The following ARPC2 variants were observed in gnomAD, a reference collection of about 807,000 sequenced individuals.
The protein encoded by ARPC2 is actin-related protein 2/3 complex subunit 2.
A neutral mutation model predicts 38.6 loss-of-function variants in ARPC2; 4 were observed. The observed-to-expected ratio is 0.10, with a 90% CI of 0.05 to 0.24. The LOEUF is 0.24. ARPC2 is among the 10% of genes least tolerant of loss of function. The pLI is 1.00. For missense variants in ARPC2, 229 were observed against 387.3 expected (o/e 0.59, Z 3.43); for synonymous variants, 125 against 140.8 (o/e 0.89, Z 0.79).
intron 5 of ARPC2, chr2:218,236,044 T>C (rs978549173): frequency 1.3e-5 from 2 of 151,206 alleles, no homozygotes; most frequent in Non-Finnish European, 2.9e-5. Context: ...GAGCTGAGAT[T>C]GCGCCACTGC....
At chr2:218,253,533 G>A (rs908162134) in intron 10 of ARPC2, among the ~76,000 whole-genome samples, 1 of 152,242 alleles carries the variant, frequency 6.6e-6, no homozygotes, top group Non-Finnish European at 1.5e-5. Flanking sequence ...GCTGACAAAT[G>A]AGGTAGTACT....
intron 4 of ARPC2, among the ~76,000 whole-genome samples, chr2:218,230,380 C>T (rs1380646669): frequency 6.9e-6 from 1 of 144,820 alleles, no homozygotes; most frequent in African/African-American, 2.5e-5. Context: ...ACCCCTCAAC[C>T]TCCCAGGCTC....
intron 2 of ARPC2, among the ~76,000 whole-genome samples, chr2:218,225,678 GAAAAACAA>G (rs2106145083): frequency 6.6e-6 from 1 of 152,308 alleles, no homozygotes; most frequent in South Asian, 2.1e-4. Flanking sequence ...AACAGCAGGT[GAAAAACAA>G]AAGCTATAGC....
chr2:218,217,667 C>T, intron 2 of ARPC2, 123 bp downstream of exon 2: 1 of 1,068,848 alleles, frequency 9.4e-7, no homozygotes, highest in South Asian at 1.4e-5. Context: ...GGTGTAGGGG[C>T]TGCCCCAGCG....
In ARPC2 at chr2:218,250,039, C is replaced by T. The variant is rs77831805; in HGVS notation, c.878+118C>T. ...GGGCACTGGCTACATATGAGGTCAG[C>T]AGGGCTAAGTAGATAAACCAAAGGT... On this transcript the variant is annotated intron_variant, in intron 10 of 10. Transcript: ENST00000315717. 179 of 834,088 alleles carry T rather than the reference C, an allele frequency of 2.1e-4. 1 individual carries two copies. Among genetic ancestry groups the T allele is most frequent in the Non-Finnish European group, 3.1e-4 (166 of 538,228 alleles). 51.7% of individuals were successfully genotyped at this position (834,088 alleles called of 1,614,324 possible). A position where few individuals can be genotyped will look rare whatever the true frequency, so the allele number is the denominator to read the frequency against.
rs558560209 is a variant in ARPC2, at chr2:218,238,204, A to G, written c.269-460A>G. On this transcript the variant is annotated intron_variant, in intron 5 of 10. Transcript: ENST00000315717. ...ACGTAGAAGGGTTTATCTTATTATC[A>G]CAAAGCTACCCATTTGCTGGCCATA... is the stretch of plus-strand genomic sequence containing the variant. Among the ~76,000 whole-genome samples the G allele has an allele frequency of 2.0e-5, 3 of 152,296 alleles. No individual in the cohort carries two copies. In the East Asian group the frequency reaches 5.8e-4, roughly 29 times the overall value.
chr2:218,217,191 C>T lies in ARPC2; in HGVS notation c.-72C>T, dbSNP rs977088558. The T allele has an allele frequency of 3.3e-5, 14 of 426,120 alleles. No homozygotes were observed. The highest frequency in any genetic ancestry group is 6.3e-5 in the African/African-American group (3 of 47,388). The allele number at this position is 426,120 out of a possible 1,614,324, so 26.4% of individuals were successfully genotyped here. A position where few individuals can be genotyped will look rare whatever the true frequency, so the allele number is the denominator to read the frequency against. On this transcript the variant is annotated 5_prime_UTR_variant, in exon 1 of 11. Coordinates refer to ENST00000315717, the MANE Select transcript of ARPC2 (RefSeq NM_152862.3). ...GGGGCTGGGCGGGGACCGGGCTTGT[C>T]GGTGAAGCGGCAGTGGCGGCGGCGG...
At chr2:218,234,148 A>G (rs1689712830) in intron 4 of ARPC2, 1 of 483,308 alleles carries the variant, frequency 2.1e-6, no homozygotes, top group Admixed American at 3.9e-5. Context: ...TGTCCCAGGC[A>G]TAAAAAGATA....
intron 8 of ARPC2, among the ~76,000 whole-genome samples, chr2:218,247,071 G>A (rs900501822): frequency 6.6e-6 from 1 of 152,166 alleles, no homozygotes; most frequent in African/African-American, 2.4e-5. Flanking sequence ...GCTGCAGTGA[G>A]CTGTGATGGC....
intron 2 of ARPC2, among the ~76,000 whole-genome samples, chr2:218,220,972 C>G (rs1321132314): frequency 6.6e-6 from 1 of 152,186 alleles, no homozygotes; most frequent in Non-Finnish European, 1.5e-5. Context: ...ATGCACAGGT[C>G]TGATCAACAG....
intron 7 of ARPC2, among the ~76,000 whole-genome samples, chr2:218,240,993 G>C (rs1419303738): frequency 2.0e-5 from 3 of 152,214 alleles, no homozygotes; most frequent in Non-Finnish European, 4.4e-5. Flanking sequence ...TGGCCAGTTA[G>C]TTGCTGCCTC....
In ARPC2 at chr2:218,230,950, G is replaced by A. The variant is rs563437402; in HGVS notation, c.222+2100G>A. ...CCTTTCCATTCTGTGCTTTTCTTAC[G>A]ATGGAGCTCCAGAACACATTGCTAT... On this transcript the variant is annotated intron_variant, in intron 4 of 10. Transcript: ENST00000315717. Among the ~76,000 whole-genome samples, 10 of 152,284 alleles carry A rather than the reference G, an allele frequency of 6.6e-5. No individual in the cohort carries two copies. In the East Asian group the frequency reaches 9.7e-4, roughly 15 times the overall value.
chr2:218,227,974 A>G (rs1171141532), intron 3 of ARPC2, among the ~76,000 whole-genome samples: 2 of 152,346 alleles, frequency 1.3e-5, no homozygotes, highest in African/African-American at 2.4e-5. Context: ...ATGTTTTTTA[A>G]CAAATAGTCT....
At chr2:218,247,574 G>A (rs1202574096) in intron 8 of ARPC2, among the ~76,000 whole-genome samples, 2 of 151,922 alleles carry the variant, frequency 1.3e-5, no homozygotes, top group Non-Finnish European at 2.9e-5. Flanking sequence ...AACAATTCTC[G>A]TGCCTCAGCT....
intron 4 of ARPC2, 44 bp downstream of exon 4, chr2:218,228,894 T>G (rs781372227): frequency 8.5e-6 from 11 of 1,300,346 alleles, no homozygotes; most frequent in Non-Finnish European, 1.2e-5. Flanking sequence ...TTTCCTCACC[T>G]TTCATTGGCA....
chr2:218,240,200 G>A (rs774344827), intron 7 of ARPC2, among the ~76,000 whole-genome samples: 3 of 150,096 alleles, frequency 2.0e-5, no homozygotes, highest in Non-Finnish European at 4.4e-5. Flanking sequence ...TGATCCGCCC[G>A]CCTCAGCCTC....
At chr2:218,249,607 T>G (rs1574595869) in intron 9 of ARPC2, 143 bp downstream of exon 9, 1 of 767,172 alleles carries the variant, frequency 1.3e-6, no homozygotes, top group Non-Finnish European at 2.1e-6. Flanking sequence ...GAAACCATGG[T>G]CTTTCTTCAT....
intron 5 of ARPC2, among the ~76,000 whole-genome samples, chr2:218,237,193 C>CTTTTTCTT (rs1322556654): frequency 6.6e-6 from 1 of 151,920 alleles, no homozygotes; most frequent in Non-Finnish European, 1.5e-5. Context: ...TGCCCTGCTC[C>CTTTTTCTT]TTTTTCTTTT....
intron 5 of ARPC2, 183 bp downstream of exon 5, chr2:218,234,580 G>T (rs900236160): frequency 3.9e-5 from 23 of 588,820 alleles, no homozygotes; most frequent in Non-Finnish European, 6.9e-5. Context: ...TGTCCAATAT[G>T]GAACACAGTA....
Sources: allele counts gnomAD v4.1 joint callset (sites outside exome capture counted in the v4.1 genomes callset), GRCh38; gene constraint gnomAD v4.1.1; transcripts MANE v1.5; gene names NCBI Gene and HGNC (gene_info 2026-07-23, HGNC 2026-07-21).